TRAPPC9: variants seen among roughly 807,000 people sequenced by gnomAD.
TRAPPC9 encodes IKK2 binding protein.
In TRAPPC9, 83 loss-of-function variants were observed where a neutral mutation model predicts 124.0. The ratio of observed to expected loss-of-function variants is 0.67; its 90% confidence interval spans 0.56 to 0.80. TRAPPC9 has a LOEUF of 0.80. Ranked by LOEUF, TRAPPC9 falls within the 30% of genes least tolerant of loss-of-function variation. The pLI is 0.00. For synonymous variants in TRAPPC9, 638 were observed against 617.5 expected (o/e 1.03, Z -0.49); for missense variants, 1,302 against 1,508.3 (o/e 0.86, Z 2.27).
chr8:139,946,594 C>T (rs572171726), intron 19 of TRAPPC9, among the ~76,000 whole-genome samples: 2 of 151,472 alleles, frequency 1.3e-5, no homozygotes, highest in African/African-American at 4.8e-5. Flanking sequence ...TCTCAAAGGC[C>T]AGATAATAAA....
chr8:139,731,155 A>T lies in TRAPPC9; in HGVS notation c.3353T>A (p.Ile1118Asn). ...FLYTGDFFLH[I>N]RFHEDSTSKE... is the part of the protein sequence containing the mutation. ...GCTGGTGCTGTCCTCGTGGAACCGG[A>T]TGTGGAGGAAGAAGTCTCCCGTGTA... Residue 1118 changes from isoleucine to asparagine, a missense_variant, in exon 23 of 23, where the codon ATC becomes AAC. Physicochemically the swap from Ile to Asn is moderately radical, Grantham distance 149. Around this residue, in one of 3 missense-constraint regions of TRAPPC9, gnomAD observed 640 missense variants for 679.3 expected, o/e 0.94. Coordinates refer to ENST00000438773, the MANE Select transcript of TRAPPC9 (RefSeq NM_001160372.4). 1 of 1,614,000 alleles carries T rather than the reference A, an allele frequency of 6.2e-7. No homozygotes were observed. The highest frequency in any genetic ancestry group is 8.5e-7 in the Non-Finnish European group (1 of 1,179,994).
chr8:140,327,297 C>A (rs537212896), intron 9 of TRAPPC9, among the ~76,000 whole-genome samples: 33 of 152,254 alleles, frequency 2.2e-4, no homozygotes, highest in African/African-American at 7.7e-4. Flanking sequence ...GACCCTCATG[C>A]ACTGCTGGAA....
intron 21 of TRAPPC9, among the ~76,000 whole-genome samples, chr8:139,821,282 C>T (rs929083387): frequency 3.3e-5 from 5 of 152,228 alleles, no homozygotes; most frequent in South Asian, 2.1e-4. Flanking sequence ...GTGTTTCATT[C>T]GGTGGATGGC....
intron 10 of TRAPPC9, among the ~76,000 whole-genome samples, chr8:140,310,059 AAACC>A (rs1372583668): frequency 2.0e-5 from 3 of 152,260 alleles, no homozygotes; most frequent in Non-Finnish European, 4.4e-5. Context: ...TGGCAAAAAG[AAACC>A]ATTTCATTTG....
Position 139,884,578 on chromosome 8 carries a change from A to G in TRAPPC9, c.3055+1301T>C, listed in dbSNP as rs537151996. Among the ~76,000 whole-genome samples the G allele has an allele frequency of 1.8e-4, 28 of 152,304 alleles. 1 individual carries two copies. Among genetic ancestry groups the G allele is most frequent in the African/African-American group, 6.7e-4 (28 of 41,580 alleles). The stretch of plus-strand genomic sequence containing the variant: ...AGCTAATCCCCCTGGGCCTGACCCC[A>G]TCTCACGGCCAGGGGGGCCCAGATG... On this transcript the variant is annotated intron_variant, in intron 21 of 22. Coordinates refer to ENST00000438773, the MANE Select transcript of TRAPPC9 (RefSeq NM_001160372.4).
chr8:139,979,491 C>T (rs942197627), intron 19 of TRAPPC9, among the ~76,000 whole-genome samples: 1 of 152,156 alleles, frequency 6.6e-6, no homozygotes, highest in African/African-American at 2.4e-5. Context: ...CTCGGGTGCA[C>T]GGTCGGCACC....
At chr8:140,262,698 CGT>C (rs766805947) in intron 15 of TRAPPC9, 6 of 141,254 alleles carry the variant, frequency 4.2e-5, no homozygotes, top group Non-Finnish European at 7.7e-5. Flanking sequence ...TACACTGAGC[CGT>C]GAGCTCTCAG....
intron 21 of TRAPPC9, among the ~76,000 whole-genome samples, chr8:139,810,794 T>C (rs1049239478): frequency 6.6e-6 from 1 of 152,062 alleles, no homozygotes; most frequent in Non-Finnish European, 1.5e-5. Flanking sequence ...CTCCAGGATC[T>C]CCTCTGGCCA....
chr8:139,743,089 T>C (rs1345928590), intron 21 of TRAPPC9, among the ~76,000 whole-genome samples: 2 of 152,090 alleles, frequency 1.3e-5, no homozygotes, highest in Non-Finnish European at 2.9e-5. Context: ...GTGGGCTTCT[T>C]AGGTGGTTGA....
intron 19 of TRAPPC9, among the ~76,000 whole-genome samples, chr8:139,973,309 C>G (rs984082047): frequency 3.7e-4 from 56 of 152,304 alleles, no homozygotes; most frequent in African/African-American, 1.2e-3. Context: ...CACGGGCCAG[C>G]GCCCCTGGAC....
intron 18 of TRAPPC9, among the ~76,000 whole-genome samples, chr8:140,010,269 T>G (rs1839036432): frequency 6.6e-6 from 1 of 152,172 alleles, no homozygotes. Context: ...GATGGATGAA[T>G]AATCTCAATG....
intron 8 of TRAPPC9, among the ~76,000 whole-genome samples, chr8:140,370,095 A>G (rs1201601907): frequency 6.7e-6 from 1 of 149,688 alleles, no homozygotes; most frequent in Non-Finnish European, 1.5e-5. Context: ...GAAAAAGTGT[A>G]TGTTTCCTAT....
intron 19 of TRAPPC9, among the ~76,000 whole-genome samples, chr8:139,918,615 T>G (rs1319443160): frequency 6.6e-6 from 1 of 152,242 alleles, no homozygotes; most frequent in Non-Finnish European, 1.5e-5. Context: ...CGAGCAGTGC[T>G]GTTCTCAGCG....
intron 19 of TRAPPC9, among the ~76,000 whole-genome samples, chr8:139,936,032 C>T (rs946840810): frequency 6.6e-6 from 1 of 152,222 alleles, no homozygotes; most frequent in Non-Finnish European, 1.5e-5. Context: ...GAACCTGGTG[C>T]GAGCACAGGC....
chr8:139,813,726 C>T (rs1488162666), intron 21 of TRAPPC9, among the ~76,000 whole-genome samples: 1 of 152,210 alleles, frequency 6.6e-6, no homozygotes, highest in East Asian at 1.9e-4. Context: ...TGCAAGGCTG[C>T]AGAATGGGCT....
intron 17 of TRAPPC9, among the ~76,000 whole-genome samples, chr8:140,205,100 A>C (rs1563843980): frequency 1.3e-5 from 2 of 152,370 alleles, no homozygotes; most frequent in Admixed American, 6.5e-5. Context: ...AAGTAGATAC[A>C]ATGTGATCAC....
intron 15 of TRAPPC9, among the ~76,000 whole-genome samples, chr8:140,264,225 T>C (rs997626583): frequency 3.9e-5 from 6 of 152,124 alleles, no homozygotes; most frequent in African/African-American, 9.7e-5. Context: ...GTCCTGAGAA[T>C]TGCACGAGTA....
intron 19 of TRAPPC9, among the ~76,000 whole-genome samples, chr8:139,983,174 C>A (rs773255493): frequency 3.3e-5 from 5 of 152,152 alleles, no homozygotes; most frequent in Non-Finnish European, 7.4e-5. Flanking sequence ...CAGTGAGAAG[C>A]CTCCAACTAC....
chr8:140,337,198 C>T (rs113194463), intron 9 of TRAPPC9, among the ~76,000 whole-genome samples: 2,446 of 152,252 alleles, frequency 0.016, 79 homozygotes, highest in African/African-American at 0.057. Context: ...GCCTCCTCCT[C>T]GTAATCTCAG....
Sources: allele counts gnomAD v4.1 joint callset (sites outside exome capture counted in the v4.1 genomes callset), GRCh38; gene constraint gnomAD v4.1.1; regional missense constraint gnomAD v4.1.1; transcripts MANE v1.5; gene names NCBI Gene and HGNC (gene_info 2026-07-23, HGNC 2026-07-21).